Variants in ELP1 observed in about 807,000 individuals in gnomAD.
ELP1 encodes the protein elongator acetyltransferase complex subunit 1.
A neutral mutation model predicts 183.2 loss-of-function variants in ELP1; 131 were observed. The ratio of observed to expected loss-of-function variants is 0.72; its 90% CI spans 0.62 to 0.83. The LOEUF is 0.83. ELP1 is among the 40% of genes least tolerant of loss of function. ELP1 has a pLI of 0.00. For missense variants in ELP1, 1,550 were observed against 1,594.9 expected, an observed-to-expected ratio of 0.97 and a Z score of 0.48; for synonymous variants, 555 against 569.0, an observed-to-expected ratio of 0.98 and a Z score of 0.35.
chr9:108,911,955 C>G (rs1407431696), intron 11 of ELP1, among the ~76,000 whole-genome samples: 1 of 152,114 alleles, frequency 6.6e-6, no homozygotes, highest in Non-Finnish European at 1.5e-5. Flanking sequence ...CTAACACACC[C>G]AATCCCACAA....
At chr9:108,912,743 G>T (rs1829277138) in intron 10 of ELP1, among the ~76,000 whole-genome samples, 1 of 145,968 alleles carries the variant, frequency 6.9e-6, no homozygotes. Context: ...TTATTCATAT[G>T]TTTATTTTCG....
chr9:108,896,972 T>C lies in ELP1; in HGVS notation c.2568A>G (p.Gln856=). ...KTTPELEIVL[Q]KVHELQGNAP... ...CTCTACCTTGAAGCTCGTGTACTTT[T>C]TGCAGTACAATTTCCAGTTCTGGGG... is the stretch of plus-strand genomic sequence containing the variant. Residue 856 remains glutamine, a synonymous_variant, in exon 24 of 37, where the codon CAA becomes CAG. Coordinates refer to ENST00000374647, the MANE Select transcript of ELP1 (RefSeq NM_003640.5). 1 of 1,613,968 alleles carries C rather than the reference T, an allele frequency of 6.2e-7. No individual in the cohort carries two copies.
chr9:108,898,818 T>G (rs1828657885), intron 20 of ELP1, 69 bp from the exon 21 acceptor site: 1 of 1,008,536 alleles, frequency 9.9e-7, no homozygotes. Context: ...CCAGCATATT[T>G]TCATTATGAT....
intron 29 of ELP1, among the ~76,000 whole-genome samples, chr9:108,885,192 G>C (rs1828080162): frequency 1.3e-5 from 2 of 151,628 alleles, no homozygotes; most frequent in South Asian, 2.1e-4. Flanking sequence ...AATAAAAAAA[G>C]AATGATATAG....
intron 14 of ELP1, among the ~76,000 whole-genome samples, chr9:108,905,637 C>T (rs759453729): frequency 3.9e-5 from 6 of 152,094 alleles, no homozygotes; most frequent in South Asian, 2.1e-4. Context: ...CATCATTTAA[C>T]GATGGGGATA....
At chr9:108,898,892 G>A (rs1828660797) in intron 20 of ELP1, 143 bp from the exon 21 acceptor site, 4 of 653,946 alleles carry the variant, frequency 6.1e-6, no homozygotes, top group Non-Finnish European at 1.1e-5. Context: ...TTTCTACTCT[G>A]AAATTACAGA....
chr9:108,880,206 A>C, intron 31 of ELP1, 41 bp from the exon 32 acceptor site: 1 of 1,368,938 alleles, frequency 7.3e-7, no homozygotes, highest in Non-Finnish European at 1.0e-6. Flanking sequence ...CATGAGGTTT[A>C]AGCAAAGAGA....
intron 25 of ELP1, among the ~76,000 whole-genome samples, chr9:108,895,049 C>T (rs1006404058): frequency 1.3e-5 from 2 of 152,068 alleles, no homozygotes; most frequent in Non-Finnish European, 2.9e-5. Flanking sequence ...AAGTTTGAGA[C>T]CAGCCTGGGC....
At chr9:108,912,116 A>C in intron 11 of ELP1, 148 bp downstream of exon 11, 4 of 714,128 alleles carry the variant, frequency 5.6e-6, no homozygotes, top group Non-Finnish European at 1.0e-5. Context: ...AACATACCCC[A>C]CCTTATATCC....
chr9:108,869,821 T>C (rs1176554379), intron 36 of ELP1, among the ~76,000 whole-genome samples: 3 of 152,206 alleles, frequency 2.0e-5, no homozygotes, highest in African/African-American at 7.2e-5. Flanking sequence ...AAAATATGTA[T>C]ATATAAGGAT....
At chr9:108,887,802 C>T (rs1011787052) in intron 29 of ELP1, among the ~76,000 whole-genome samples, 3 of 152,120 alleles carry the variant, frequency 2.0e-5, no homozygotes, top group Admixed American at 2.0e-4. Flanking sequence ...CAGTAATACA[C>T]CCAGTGTTGG....
chr9:108,906,821 T>C (rs909949876), intron 13 of ELP1, among the ~76,000 whole-genome samples: 1 of 152,214 alleles, frequency 6.6e-6, no homozygotes, highest in Non-Finnish European at 1.5e-5. Flanking sequence ...CTTACCAGCA[T>C]TCAAACCAGG....
Position 108,899,816 on chromosome 9 carries a change from A to G in ELP1, c.2204+6T>C, listed in dbSNP as rs111033171. On this transcript the variant is annotated splice_donor_region_variant and intron_variant, in intron 20 of 36. Transcript: ENST00000374647. ...AACTAGTCGCAAACAGTACAATGGC[A>G]CTTACTTGTCCAACCACTTCCGAAT... The G allele has an allele frequency of 3.9e-4, 635 of 1,611,286 alleles. No homozygotes were observed. Among genetic ancestry groups the G allele is most frequent in the Non-Finnish European group, 7.4e-5 (87 of 1,177,480 alleles).
intron 2 of ELP1, 108 bp downstream of exon 2, chr9:108,930,889 G>C (rs1315416967): frequency 9.8e-7 from 1 of 1,015,540 alleles, no homozygotes; most frequent in Admixed American, 1.9e-5. Flanking sequence ...TATTTGGGAG[G>C]ATATAAATTC....
At chr9:108,890,218 T>C (rs1377421776) in intron 28 of ELP1, among the ~76,000 whole-genome samples, 2 of 151,814 alleles carry the variant, frequency 1.3e-5, no homozygotes, top group African/African-American at 4.8e-5. Context: ...AGGCCTGAAA[T>C]AAGGAATTCT....
At chr9:108,890,829 A>G (rs1372456240) in intron 28 of ELP1, among the ~76,000 whole-genome samples, 1 of 152,180 alleles carries the variant, frequency 6.6e-6, no homozygotes, top group East Asian at 1.9e-4. Context: ...TTTAACTTCC[A>G]TCCAGGTCAT....
intron 31 of ELP1, among the ~76,000 whole-genome samples, chr9:108,881,211 A>G (rs1267780554): frequency 6.6e-6 from 1 of 152,196 alleles, no homozygotes; most frequent in Non-Finnish European, 1.5e-5. Flanking sequence ...TTGATTTACC[A>G]ATTACTAACA....
rs373521047 is a variant in ELP1 at position 108,902,971 on chromosome 9, A to G, written c.1751-29T>C. 9.1e-6 allele frequency: 14 copies of G among 1,537,762 alleles called. No individual in the cohort carries two copies. In the African/African-American group the frequency reaches 1.5e-4, roughly 16 times the overall value. On this transcript the variant is annotated intron_variant, in intron 15 of 36. Transcript: ENST00000374647. ...CAAGATTCACAGATCTAGTTCACAA[A>G]TAGCTGATGCGCTCTTTGCAAAAAA...
chr9:108,919,715 T>C (rs1204399687), intron 6 of ELP1, among the ~76,000 whole-genome samples: 1 of 152,134 alleles, frequency 6.6e-6, no homozygotes, highest in African/African-American at 2.4e-5. Context: ...AGAGTTTTGT[T>C]TACATATTGT....
Sources: allele counts gnomAD v4.1 joint callset (sites outside exome capture counted in the v4.1 genomes callset), GRCh38; gene constraint gnomAD v4.1.1; transcripts MANE v1.5; gene names NCBI Gene and HGNC (gene_info 2026-07-23, HGNC 2026-07-21).